Variants in RUBCN observed in about 807,000 individuals in gnomAD.
The protein encoded by RUBCN is run domain Beclin-1-interacting and cysteine-rich domain-containing protein.
A neutral mutation model predicts 113.2 loss-of-function variants in RUBCN; 74 were observed. The observed-to-expected ratio is 0.65, with a 90% confidence interval of 0.54 to 0.79. The LOEUF (loss-of-function observed/expected upper bound fraction) is 0.79. Ranked by LOEUF, RUBCN falls within the 30% of genes least tolerant of loss-of-function variation. The probability of loss-of-function intolerance (pLI) is 0.00; values close to 1 mark genes in which losing one functional copy is unlikely to be tolerated. For missense variants in RUBCN, 1,109 were observed against 1,251.7 expected, an observed-to-expected ratio of 0.89 and a Z score of 1.72; for synonymous variants, 480 against 490.0, an observed-to-expected ratio of 0.98 and a Z score of 0.27.
chr3:197,742,258 C>T (rs927490722), intron 1 of RUBCN, among the ~76,000 whole-genome samples: 1 of 151,942 alleles, frequency 6.6e-6, no homozygotes, highest in African/African-American at 2.4e-5. Flanking sequence ...TTTAGGAGGC[C>T]GAGGTGGGCG....
chr3:197,696,524 A>G (rs1475525978), intron 8 of RUBCN, among the ~76,000 whole-genome samples: 1 of 152,204 alleles, frequency 6.6e-6, no homozygotes, highest in Non-Finnish European at 1.5e-5. Context: ...ACCATACAGT[A>G]AAGAAAAAAC....
rs1412258969 is a variant in RUBCN at position 197,681,002 on chromosome 3, C to T, written c.2430+127G>A. ...CAGGGGAGGGGACAAGGAGAGGAGA[C>T]GAGGGGAGGGGATGGGGGGAGGGGA... is the stretch of plus-strand genomic sequence containing the variant. On this transcript the variant is annotated intron_variant, in intron 16 of 19. Coordinates refer to ENST00000296343, the MANE Select transcript of RUBCN (RefSeq NM_014687.4). This position sits in a 1 kb window ranked among gnomAD's most constrained non-coding sequence, Gnocchi z 5.5. 4.0e-5 allele frequency: 24 copies of T among 593,352 alleles called. No individual in the cohort carries two copies. Among genetic ancestry groups the T allele is most frequent in the East Asian group, 9.3e-5 (3 of 32,130 alleles). 36.8% of individuals were successfully genotyped at this position (593,352 alleles called of 1,614,324 possible).
At chr3:197,717,832 G>A (rs1033532015) in intron 2 of RUBCN, 145 bp downstream of exon 2, 10 of 825,404 alleles carry the variant, frequency 1.2e-5, no homozygotes, top group Middle Eastern at 3.4e-4. Context: ...GATGTGAAAC[G>A]TTCTGTATAT....
At chr3:197,688,045 A>G (rs887936328) in intron 11 of RUBCN, among the ~76,000 whole-genome samples, 30 of 152,098 alleles carry the variant, frequency 2.0e-4, no homozygotes, top group East Asian at 9.7e-4. Flanking sequence ...TTTTCTTTTG[A>G]GGTGAAGTTT....
chr3:197,706,427 A>C (rs557862654), intron 2 of RUBCN, among the ~76,000 whole-genome samples: 58 of 152,312 alleles, frequency 3.8e-4, no homozygotes, highest in African/African-American at 1.4e-3. Flanking sequence ...TCATGCCTGT[A>C]ATCTCAGCAC....
intron 2 of RUBCN, among the ~76,000 whole-genome samples, chr3:197,709,542 G>A (rs576718842): frequency 2.6e-5 from 4 of 152,182 alleles, no homozygotes; most frequent in African/African-American, 9.6e-5. Context: ...CACCATGCCC[G>A]GCTAGTTTTG....
chr3:197,715,060 C>A (rs1367358387), intron 2 of RUBCN, among the ~76,000 whole-genome samples: 3 of 152,026 alleles, frequency 2.0e-5, no homozygotes, highest in African/African-American at 7.2e-5. Context: ...GAGGTCGAGG[C>A]AGGCGGATCA....
At position 197,700,809 on chromosome 3, in the gene RUBCN, G is replaced by A; in HGVS notation, c.1065C>T (p.Ser355=). The A allele has an allele frequency of 6.2e-7, 1 of 1,613,968 alleles. No individual in the cohort carries two copies. The highest frequency in any genetic ancestry group is 8.5e-7 in the Non-Finnish European group (1 of 1,179,902). The change falls in exon 7 of 20, where the codon TCC becomes TCT. Residue 355 remains serine (S), a synonymous_variant. Coordinates refer to ENST00000296343, the MANE Select transcript of RUBCN (RefSeq NM_014687.4). ...NAESSSSNLF[S]SSSSQKPDSA... is the part of the protein sequence containing the mutation. ...AATCTGGCTTCTGGGAGCTGCTGGA[G>A]GAGAACAAATTGGAACTGCTGCTCT...
intron 1 of RUBCN, among the ~76,000 whole-genome samples, chr3:197,727,976 G>A (rs1726946030): frequency 6.6e-6 from 1 of 152,286 alleles, no homozygotes; most frequent in Admixed American, 6.5e-5. Flanking sequence ...TAAAAGGCAC[G>A]CTGGGCACAG....
chr3:197,720,817 T>C (rs1050285454), intron 1 of RUBCN, among the ~76,000 whole-genome samples: 4 of 152,178 alleles, frequency 2.6e-5, no homozygotes, highest in African/African-American at 7.2e-5. Context: ...CCCCTGGATA[T>C]ATACTCAGTA....
upstream of RUBCN, among the ~76,000 whole-genome samples, chr3:197,741,843 C>A (rs974785685): frequency 1.3e-4 from 20 of 151,400 alleles, no homozygotes; most frequent in South Asian, 2.1e-4. Flanking sequence ...AAAAAAAAAA[C>A]CCCAAAAAAC....
intron 1 of RUBCN, among the ~76,000 whole-genome samples, chr3:197,719,248 G>A (rs542799470): frequency 2.0e-5 from 3 of 152,164 alleles, no homozygotes; most frequent in African/African-American, 7.2e-5. Flanking sequence ...AGGCTGAGGC[G>A]GGTGGATCAC....
At chr3:197,694,707 A>G (rs1427569619) in intron 9 of RUBCN, 122 bp from the exon 10 acceptor site, 10 of 844,140 alleles carry the variant, frequency 1.2e-5, no homozygotes, top group Non-Finnish European at 2.0e-5. Flanking sequence ...CCCTGGAGAA[A>G]TGGACATTTC....
At chr3:197,717,254 T>C (rs900063001) in intron 2 of RUBCN, among the ~76,000 whole-genome samples, 7 of 151,588 alleles carry the variant, frequency 4.6e-5, no homozygotes, top group Admixed American at 1.3e-4. Context: ...CCATCCTGGC[T>C]AACACGGTGA....
chr3:197,706,174 T>G (rs966859887), intron 2 of RUBCN, among the ~76,000 whole-genome samples: 2 of 152,152 alleles, frequency 1.3e-5, no homozygotes, highest in African/African-American at 4.8e-5. Context: ...AACATCTACT[T>G]TTCCACGCCA....
chr3:197,675,070 T>C lies in RUBCN; in HGVS notation c.2867A>G (p.Glu956Gly), dbSNP rs1720200543. 1.2e-6 allele frequency: 2 copies of C among 1,613,252 alleles called. No homozygotes were observed. Among genetic ancestry groups the C allele is most frequent in the African/African-American group, 1.3e-5 (1 of 74,912 alleles). Residue 956 changes from glutamate (E) to glycine (G), a missense_variant, in exon 20 of 20, where the codon GAG (glutamate) becomes GGG (glycine). Physicochemically the swap from Glu to Gly is moderately conservative, Grantham distance 98. This residue lies in a region of RUBCN where 306 missense variants were observed against 348.9 expected (regional missense o/e 0.88). Transcript: ENST00000296343. The surrounding 1 kb of genome is among the most constrained non-coding windows in gnomAD (Gnocchi z 4.4). The part of the protein sequence containing the change: ...SLESYLSDYE[E>G]EPAEALALEA... ...CAGGGCCAGCGCTTCCGCGGGCTCC[T>C]CCTCGTAGTCTGACAGGTAAGACTC...
intron 1 of RUBCN, among the ~76,000 whole-genome samples, chr3:197,746,379 C>T (rs1169928729): frequency 6.6e-6 from 1 of 152,126 alleles, no homozygotes; most frequent in Non-Finnish European, 1.5e-5. Flanking sequence ...TCTCAGGGGT[C>T]TTATCTCTGG....
At chr3:197,714,032 C>T (rs553424806) in intron 2 of RUBCN, among the ~76,000 whole-genome samples, 30 of 151,884 alleles carry the variant, frequency 2.0e-4, no homozygotes, top group African/African-American at 5.1e-4. Context: ...GCTGAGATCA[C>T]GCCACTGCAC....
At chr3:197,740,695 A>G (rs1487596256), upstream of RUBCN, among the ~76,000 whole-genome samples, 1 of 151,356 alleles carries the variant, frequency 6.6e-6, no homozygotes, top group Non-Finnish European at 1.5e-5. Context: ...ATCTCAGCTC[A>G]CTGCAACCTG....
Sources: gnomAD v4.1 joint callset for allele counts (sites outside exome capture counted in the v4.1 genomes callset) on GRCh38, gnomAD v4.1.1 for gene constraint, gnomAD v4.1.1 regional missense constraint, Gnocchi (gnomAD v3.1) non-coding constraint, MANE v1.5 for transcripts, NCBI Gene and HGNC (gene_info 2026-07-23, HGNC 2026-07-21) for gene names.